The following ABCC1 variants were observed in gnomAD, a reference collection of about 807,000 sequenced individuals.
ABCC1 encodes multidrug resistance-associated protein 1.
Under a neutral mutation model 172.9 loss-of-function variants are expected in ABCC1, and 83 were observed. The ratio of observed to expected loss-of-function variants is 0.48; its 90% CI spans 0.40 to 0.58. ABCC1 has a LOEUF of 0.58. Among genes scored for constraint, ABCC1 ranks in the 20% least tolerant of loss-of-function variants. The pLI, the probability that ABCC1 is intolerant of heterozygous loss-of-function variation, is 0.00. For missense variants in ABCC1, 1,817 were observed against 2,002.7 expected (o/e 0.91, Z 1.77); for synonymous variants, 937 against 825.2 (o/e 1.14, Z -2.32).
At position 16,138,336 on chromosome 16, in the gene ABCC1, A is replaced by G. The variant is rs776806459; in HGVS notation, c.4293-28A>G. 12 of 1,553,178 alleles carry G rather than the reference A, an allele frequency of 7.7e-6. No homozygotes were observed. In the Admixed American group the frequency reaches 1.1e-4, roughly 14 times the overall value. ...GTCAGGGGTGGTTTGACCCAACACT[A>G]TCTCCTGGTTTTTTTCTTCCGGTCA... On this transcript the variant is annotated intron_variant, in intron 29 of 30. Transcript: ENST00000399410.
intron 19 of ABCC1, among the ~76,000 whole-genome samples, chr16:16,091,062 A>T (rs1209765141): frequency 6.6e-6 from 1 of 152,024 alleles, no homozygotes; most frequent in Non-Finnish European, 1.5e-5. Context: ...CCGGCCGCTC[A>T]TCTCCCCAGC....
chr16:16,134,697 C>T (rs1365869415), intron 28 of ABCC1, among the ~76,000 whole-genome samples, 189 bp downstream of exon 28: 4 of 140,366 alleles, frequency 2.8e-5, no homozygotes, highest in African/African-American at 5.3e-5. Context: ...AGTGCGCTGG[C>T]GCAATCTCAG....
chr16:16,112,091 A>G (rs937964930), intron 22 of ABCC1, among the ~76,000 whole-genome samples: 3 of 152,148 alleles, frequency 2.0e-5, no homozygotes, highest in Non-Finnish European at 2.9e-5. Context: ...GGTGGCTCAC[A>G]CCTGTAATCC....
chr16:15,960,010 G>A (rs1391890837), intron 1 of ABCC1, among the ~76,000 whole-genome samples: 1 of 152,172 alleles, frequency 6.6e-6, no homozygotes, highest in Non-Finnish European at 1.5e-5. Context: ...AGGAACCTCA[G>A]TGTACCTTTT....
intron 12 of ABCC1, among the ~76,000 whole-genome samples, chr16:16,058,953 C>A (rs562621628): frequency 1.3e-5 from 2 of 152,260 alleles, no homozygotes; most frequent in South Asian, 4.1e-4. Flanking sequence ...ACAGTGCTGG[C>A]TGTTAGCTTG....
intron 17 of ABCC1, among the ~76,000 whole-genome samples, chr16:16,084,263 C>T (rs1021322380): frequency 5.3e-5 from 8 of 152,166 alleles, no homozygotes; most frequent in South Asian, 2.1e-4. Flanking sequence ...TCACCACACT[C>T]GGCTAATTTT....
intron 19 of ABCC1, chr16:16,099,020 G>C: frequency 2.3e-6 from 2 of 884,024 alleles, no homozygotes; most frequent in South Asian, 2.5e-5. Flanking sequence ...CACCCCTCCG[G>C]TTGTTCATTG....
intron 22 of ABCC1, among the ~76,000 whole-genome samples, chr16:16,112,569 AT>A (rs1186398639): frequency 6.6e-6 from 1 of 152,106 alleles, no homozygotes; most frequent in Admixed American, 6.6e-5. Context: ...TATTTCCCTC[AT>A]TTTGGAGATA....
intron 1 of ABCC1, among the ~76,000 whole-genome samples, chr16:15,982,797 C>A (rs183386142): frequency 5.8e-5 from 1 of 17,178 alleles, no homozygotes. Flanking sequence ...CAGAGTGAGA[C>A]GCTGTCAAAA....
chr16:16,120,515 A>G (rs1054783285), intron 23 of ABCC1, among the ~76,000 whole-genome samples: 3 of 152,146 alleles, frequency 2.0e-5, no homozygotes, highest in Non-Finnish European at 4.4e-5. Context: ...GAGCAGATGA[A>G]GCATCTGCCC....
intron 1 of ABCC1, among the ~76,000 whole-genome samples, chr16:15,951,308 G>A (rs2045866507): frequency 6.6e-6 from 1 of 152,176 alleles, no homozygotes; most frequent in Admixed American, 6.5e-5. Context: ...ATGGCAATTG[G>A]TAGTTGATGG....
In ABCC1 at chr16:16,124,337, G is replaced by GTGTGTGTGTGTGTGTGTGTGTATA. The variant is rs150885815; in HGVS notation, c.3591-440_3591-439insTGTGTGTGTATATGTGTGTGTGTG. Among the ~76,000 whole-genome samples the GTGTGTGTGTGTGTGTGTGTGTATA allele has an allele frequency of 7.3e-5, 9 of 122,886 alleles. 1 individual carries two copies. In the East Asian group the frequency reaches 2.0e-3, roughly 27 times the overall value. 80.6% of individuals were successfully genotyped at this position (122,886 alleles called of 152,430 possible). ...GCACTGTGTGTGTGTGTGTGTGTGT[G>GTGTGTGTGTGTGTGTGTGTGTATA]TGTGTGTGTGTGATTATAGGAGTGA... On this transcript the variant is annotated intron_variant, in intron 24 of 30. Coordinates refer to ENST00000399410, the MANE Select transcript of ABCC1 (RefSeq NM_004996.4).
chr16:16,066,507 T>G (rs1200442008), intron 12 of ABCC1, among the ~76,000 whole-genome samples: 3 of 152,102 alleles, frequency 2.0e-5, no homozygotes, highest in Non-Finnish European at 4.4e-5. Context: ...AGCATGATGT[T>G]TTCAAGGTTT....
At chr16:15,977,861 A>G (rs1380035684) in intron 1 of ABCC1, among the ~76,000 whole-genome samples, 2 of 152,186 alleles carry the variant, frequency 1.3e-5, no homozygotes, top group Non-Finnish European at 2.9e-5. Context: ...CACATGAATG[A>G]TTTTATCCAT....
Position 16,131,921 on chromosome 16 carries a change from A to G in ABCC1, c.3952A>G (p.Asn1318Asp), listed in dbSNP as rs1348996779. ...TCTCAGGCACATCAATGTCACGATC[A>G]ATGGGGGAGAAAAGGTGGGTACACA... ...FVLRHINVTI[N>D]GGEKVGIVGR... is the part of the protein sequence containing the mutation. Residue 1318 changes from asparagine (N) to aspartate (D), a missense_variant, in exon 27 of 31, where the codon AAT (asparagine) becomes GAT (aspartate). Transcript: ENST00000399410. 6.2e-7 allele frequency: 1 copy of G among 1,613,784 alleles called. No individual in the cohort carries two copies. The highest frequency in any genetic ancestry group is 8.5e-7 in the Non-Finnish European group (1 of 1,179,946).
At chr16:16,078,148 AC>A (rs1305794430) in intron 15 of ABCC1, among the ~76,000 whole-genome samples, 1 of 152,126 alleles carries the variant, frequency 6.6e-6, no homozygotes, top group Non-Finnish European at 1.5e-5. Context: ...ACAGAGTGAG[AC>A]TCTTGTCTCA....
chr16:16,103,794 A>T, intron 20 of ABCC1, among the ~76,000 whole-genome samples: 1 of 152,134 alleles, frequency 6.6e-6, no homozygotes, highest in South Asian at 2.1e-4. Context: ...CGCTTTTGCC[A>T]TGGTTATCAT....
chr16:16,088,622 G>T (rs1258636152), intron 18 of ABCC1, among the ~76,000 whole-genome samples: 1 of 152,148 alleles, frequency 6.6e-6, no homozygotes, highest in East Asian at 1.9e-4. Context: ...TAAACAGGAA[G>T]AATATTTTAT....
At position 16,101,015 on chromosome 16, in the gene ABCC1, A is replaced by AT. The variant is rs71900391; in HGVS notation, c.2645-1602dup. ...ATTTTCTTTTATTCGTGTTTTTTAG[A>AT]TTTTTTTTTTATTTTTATTTTTTAT... On this transcript the variant is annotated intron_variant, in intron 19 of 30. Coordinates refer to ENST00000399410, the MANE Select transcript of ABCC1 (RefSeq NM_004996.4). Among the ~76,000 whole-genome samples, 411 of 149,554 alleles carry AT rather than the reference A, an allele frequency of 2.7e-3. 1 individual carries two copies. The highest frequency in any genetic ancestry group is 8.9e-3 in the African/African-American group (363 of 40,770).
Sources: gnomAD v4.1 joint callset for allele counts (sites outside exome capture counted in the v4.1 genomes callset) on GRCh38, gnomAD v4.1.1 for gene constraint, MANE v1.5 for transcripts, NCBI Gene and HGNC (gene_info 2026-07-23, HGNC 2026-07-21) for gene names.